The following TNFRSF19 variants were observed in gnomAD, a reference collection of about 807,000 sequenced individuals.
TNFRSF19 encodes the protein TNF receptor superfamily member 19.
Under a neutral mutation model 46.4 loss-of-function variants are expected in TNFRSF19, and 27 were observed. That is an observed-to-expected ratio of 0.58 (90% confidence interval 0.43 to 0.80). The LOEUF is 0.80. Ranked by LOEUF, TNFRSF19 falls within the 30% of genes least tolerant of loss-of-function variation. The pLI, the probability that TNFRSF19 is intolerant of heterozygous loss-of-function variation, is 0.00. For missense variants in TNFRSF19, 511 were observed against 530.8 expected (o/e 0.96, Z 0.37); for synonymous variants, 204 against 205.0 (o/e 1.00, Z 0.04).
chr13:23,594,207 GT>G (rs757053432), intron 3 of TNFRSF19: 34 of 443,604 alleles, frequency 7.7e-5, no homozygotes, highest in East Asian at 2.2e-4. Context: ...AGCTGCAGGA[GT>G]TTTTTTTTCA....
rs770171329 is a variant in TNFRSF19, at chr13:23,570,846, C to T, written c.-37C>T. 6.6e-6 allele frequency: 1 copy of T among 152,152 alleles called. No individual in the cohort carries two copies. Among genetic ancestry groups the T allele is most frequent in the Non-Finnish European group, 1.5e-5 (1 of 68,048 alleles). The allele number at this position is 152,152 out of a possible 1,614,324, so 9.4% of individuals were successfully genotyped here. A position where few individuals can be genotyped will look rare whatever the true frequency, so the allele number is the denominator to read the frequency against. ...TGCCAGGAGAAACTAAGTTGCTGAA[C>T]GGGTAAGTACTGCAAAGAGCTCAGC... On this transcript the variant is annotated splice_region_variant and 5_prime_UTR_variant, in exon 1 of 10. It adds an upstream start codon to the 5' untranslated region. Transcript: ENST00000248484.
intron 2 of TNFRSF19, among the ~76,000 whole-genome samples, chr13:23,591,409 C>T (rs771656029): frequency 3.3e-5 from 5 of 151,990 alleles, no homozygotes; most frequent in South Asian, 2.1e-4. Flanking sequence ...GCTGAGATCA[C>T]GCCACTGCAC....
At chr13:23,672,431 T>C (rs1300819639) in intron 9 of TNFRSF19, among the ~76,000 whole-genome samples, 2 of 152,160 alleles carry the variant, frequency 1.3e-5, no homozygotes, top group Non-Finnish European at 2.9e-5. Context: ...AGAAAACATA[T>C]GAGAGGACCC....
At chr13:23,658,792 C>G (rs1884147245) in intron 5 of TNFRSF19, among the ~76,000 whole-genome samples, 1 of 152,198 alleles carries the variant, frequency 6.6e-6, no homozygotes, top group Admixed American at 6.5e-5. Flanking sequence ...TCTAGTAACA[C>G]AATGTGTTGA....
intron 5 of TNFRSF19, among the ~76,000 whole-genome samples, chr13:23,657,756 C>G (rs1202879086): frequency 6.6e-6 from 1 of 152,018 alleles, no homozygotes; most frequent in African/African-American, 2.4e-5. Flanking sequence ...CGCAGTGGTG[C>G]GATCACAGCT....
intron 1 of TNFRSF19, among the ~76,000 whole-genome samples, chr13:23,589,775 C>T (rs186564343): frequency 6.6e-6 from 1 of 152,310 alleles, no homozygotes; most frequent in African/African-American, 2.4e-5. Flanking sequence ...ACCCTGTTGG[C>T]ATTGTCCAAA....
intron 3 of TNFRSF19, among the ~76,000 whole-genome samples, chr13:23,608,898 C>T (rs1880698392): frequency 1.3e-5 from 2 of 152,188 alleles, no homozygotes; most frequent in Admixed American, 6.5e-5. Context: ...TGTCCTTCTT[C>T]CTCTGAGCTA....
intron 5 of TNFRSF19, among the ~76,000 whole-genome samples, chr13:23,657,856 C>A (rs1047760713): frequency 2.0e-5 from 3 of 152,088 alleles, no homozygotes; most frequent in Middle Eastern, 3.2e-3. Context: ...CCTTGCCTCT[C>A]TTTTACGTTT....
At chr13:23,603,751 G>GA (rs1044435306) in intron 3 of TNFRSF19, among the ~76,000 whole-genome samples, 3 of 151,852 alleles carry the variant, frequency 2.0e-5, no homozygotes, top group African/African-American at 7.3e-5. Context: ...AAAAGCATTT[G>GA]AAAAATCTAA....
chr13:23,614,102 C>A (rs1055014624), intron 3 of TNFRSF19, among the ~76,000 whole-genome samples: 1 of 152,136 alleles, frequency 6.6e-6, no homozygotes, highest in Non-Finnish European at 1.5e-5. Flanking sequence ...TTGTCTCCCC[C>A]CTCCTCTCTG....
intron 1 of TNFRSF19, among the ~76,000 whole-genome samples, chr13:23,575,485 A>C (rs979770090): frequency 2.0e-5 from 3 of 152,208 alleles, no homozygotes; most frequent in Non-Finnish European, 4.4e-5. Context: ...CATTGGCCTC[A>C]CGGTGCTCCC....
At chr13:23,580,665 T>C (rs1385614821) in intron 1 of TNFRSF19, among the ~76,000 whole-genome samples, 2 of 152,180 alleles carry the variant, frequency 1.3e-5, no homozygotes, top group Non-Finnish European at 2.9e-5. Flanking sequence ...ACTGGAGGGG[T>C]GAGAATTGAG....
rs990251480 is a variant in TNFRSF19, at chr13:23,578,522, G to A, written c.-35+7674G>A. Among the ~76,000 whole-genome samples, 3 of 152,166 alleles carry A rather than the reference G, an allele frequency of 2.0e-5. No homozygotes were observed. The South Asian group carries it at 6.2e-4, about 32-fold the overall frequency. On this transcript the variant is annotated intron_variant, in intron 1 of 9. Coordinates refer to ENST00000248484, the MANE Select transcript of TNFRSF19 (RefSeq NM_148957.4). ...CAAATACTGATGGAGGGGCTCCAGT[G>A]GGCCTTGGGGTATAGACAAGAAACA... is the stretch of plus-strand genomic sequence containing the variant.
intron 1 of TNFRSF19, among the ~76,000 whole-genome samples, chr13:23,575,161 G>C (rs1308187082): frequency 6.6e-6 from 1 of 152,220 alleles, no homozygotes; most frequent in Non-Finnish European, 1.5e-5. Context: ...ATGTTCATCA[G>C]GAAGGAGAGA....
chr13:23,642,795 C>T (rs1009532330), intron 5 of TNFRSF19, among the ~76,000 whole-genome samples: 8 of 152,308 alleles, frequency 5.3e-5, no homozygotes, highest in Admixed American at 5.2e-4. Context: ...TTAGTATATA[C>T]CTACTCCAGA....
chr13:23,631,817 C>G (rs1882380316), intron 5 of TNFRSF19, among the ~76,000 whole-genome samples: 1 of 152,180 alleles, frequency 6.6e-6, no homozygotes, highest in African/African-American at 2.4e-5. Context: ...GACTTCAGCT[C>G]TTTCCTGGGT....
chr13:23,579,006 T>C (rs1283623098), intron 1 of TNFRSF19, among the ~76,000 whole-genome samples: 1 of 152,178 alleles, frequency 6.6e-6, no homozygotes, highest in African/African-American at 2.4e-5. Flanking sequence ...GTATCCCCTC[T>C]GGCTGGGATG....
intron 3 of TNFRSF19, among the ~76,000 whole-genome samples, chr13:23,597,599 TAA>T: frequency 7.1e-6 from 1 of 140,106 alleles, no homozygotes; most frequent in African/African-American, 2.6e-5. Flanking sequence ...ATTGAGGCAA[TAA>T]TTAATAGCCT....
intron 7 of TNFRSF19, among the ~76,000 whole-genome samples, chr13:23,667,673 C>G (rs889728508): frequency 6.6e-6 from 1 of 152,152 alleles, no homozygotes; most frequent in African/African-American, 2.4e-5. Context: ...CCTTCCAGAA[C>G]ATTTTTCATC....
Sources: gnomAD v4.1 joint callset for allele counts (sites outside exome capture counted in the v4.1 genomes callset) on GRCh38, gnomAD v4.1.1 for gene constraint, MANE v1.5 for transcripts, NCBI Gene and HGNC (gene_info 2026-07-23, HGNC 2026-07-21) for gene names.